AGL: variants seen among roughly 807,000 people sequenced by gnomAD.
AGL encodes amylo-alpha-1,6-glucosidase and 4-alpha-glucanotransferase, also known as glycogen debranching enzyme.
In AGL, 128 loss-of-function variants were observed where a neutral mutation model predicts 199.3. The observed-to-expected ratio is 0.64, with a 90% CI of 0.56 to 0.74. The LOEUF (loss-of-function observed/expected upper bound fraction) is 0.74, where lower values mean the gene tolerates loss of function less well. Ranked by LOEUF, AGL falls within the 30% of genes least tolerant of loss-of-function variation. AGL has a pLI of 0.00. For missense variants in AGL, 1,809 were observed against 1,820.8 expected, an observed-to-expected ratio of 0.99 and a Z score of 0.12; for synonymous variants, 584 against 594.7, an observed-to-expected ratio of 0.98 and a Z score of 0.26.
At chr1:99,866,080 C>T (rs80281749) in intron 5 of AGL, among the ~76,000 whole-genome samples, 1,628 of 152,122 alleles carry the variant, frequency 0.011, 20 homozygotes, top group African/African-American at 0.038. Context: ...CCAGCCTTGG[C>T]AACATAATGA....
intron 11 of AGL, 72 bp from the exon 12 acceptor site, chr1:99,877,569 C>A (rs1037399693): frequency 2.2e-6 from 3 of 1,392,772 alleles, no homozygotes; most frequent in Admixed American, 1.7e-5. Context: ...AATTTAAAAA[C>A]CAGTGTTTCC....
Position 99,882,400 on chromosome 1 carries a change from C to A in AGL, c.2308+709C>A, listed in dbSNP as rs17121509. 1.3e-3 allele frequency among the ~76,000 whole-genome samples: 191 copies of A among 152,124 alleles called. 2 individuals carry two copies. In the East Asian group the frequency reaches 0.034, roughly 27 times the overall value. On this transcript the variant is annotated intron_variant, in intron 17 of 33. Transcript: ENST00000361915. Reference sequence around the variant, plus strand: ...ATGCACAAACATACATACAAACATGCGAACTAAAATGGAAAATAATATAAC... The same window carrying A: ...ATGCACAAACATACATACAAACATGAGAACTAAAATGGAAAATAATATAAC...
upstream of AGL, among the ~76,000 whole-genome samples, chr1:99,849,413 T>C (rs17121311): frequency 0.041 from 6,183 of 152,306 alleles, 165 homozygotes; most frequent in Middle Eastern, 0.11. Flanking sequence ...TGGGTTTTCC[T>C]TTACCCTCAG....
At chr1:99,883,901 C>T (rs554073825) in intron 17 of AGL, among the ~76,000 whole-genome samples, 3 of 152,014 alleles carry the variant, frequency 2.0e-5, no homozygotes, top group South Asian at 2.1e-4. Flanking sequence ...TATTTTGATA[C>T]GTTTCTACTT....
chr1:99,922,276 A>AC lies in AGL; in HGVS notation c.*626dup, dbSNP rs1446718277. 2.6e-5 allele frequency: 4 copies of AC among 151,896 alleles called. No individual in the cohort carries two copies. Among genetic ancestry groups the AC allele is most frequent in the Non-Finnish European group, 4.4e-5 (3 of 67,848 alleles). The allele number at this position is 151,896 out of a possible 1,614,324, so 9.4% of individuals were successfully genotyped here. On this transcript the variant is annotated 3_prime_UTR_variant, in exon 34 of 34. Transcript: ENST00000361915. ...TTATATGATTTACTTATGTGAGGAA[A>AC]CATGCAAAGCATTAGGAAATTTATT...
At chr1:99,881,780 AT>A in intron 17 of AGL, 89 bp downstream of exon 17, 1 of 1,177,736 alleles carries the variant, frequency 8.5e-7, no homozygotes, top group Non-Finnish European at 1.2e-6. Flanking sequence ...TCATGTATAT[AT>A]CATATATATT....
chr1:99,851,547 T>C (rs1418537001), intron 2 of AGL, among the ~76,000 whole-genome samples: 1 of 152,198 alleles, frequency 6.6e-6, no homozygotes, highest in Non-Finnish European at 1.5e-5. Context: ...ATTGACAAAA[T>C]AGATTGCAGC....
intron 2 of AGL, chr1:99,852,460 C>A (rs957412521): frequency 5.7e-5 from 31 of 546,338 alleles, no homozygotes; most frequent in African/African-American, 5.4e-4. Flanking sequence ...GCCTCAACTT[C>A]CTGGGCTCAA....
intron 27 of AGL, among the ~76,000 whole-genome samples, chr1:99,907,006 A>G (rs1262319167): frequency 6.6e-6 from 1 of 152,172 alleles, no homozygotes; most frequent in East Asian, 1.9e-4. Context: ...TTTCTCTGCA[A>G]CTTTGCTAAC....
intron 25 of AGL, among the ~76,000 whole-genome samples, chr1:99,899,952 T>C (rs539720022): frequency 4.1e-4 from 62 of 151,170 alleles, no homozygotes; most frequent in Non-Finnish European, 8.0e-4. Flanking sequence ...TTTTTTTTGA[T>C]AGAGTCTTGC....
chr1:99,900,488 A>T (rs1190239541), intron 25 of AGL, 148 bp from the exon 26 acceptor site: 1 of 735,248 alleles, frequency 1.4e-6, no homozygotes, highest in Admixed American at 2.2e-5. Context: ...ACTCTATCAT[A>T]CTATGACTAC....
chr1:99,877,505 C>T, intron 11 of AGL, 136 bp from the exon 12 acceptor site: 1 of 743,182 alleles, frequency 1.3e-6, no homozygotes. Context: ...TTATCTCATA[C>T]CACTTTAGAT....
rs147214287 is a variant in AGL at position 99,902,777 on chromosome 1, G to A, written c.3683G>A (p.Arg1228Gln). 1.1e-5 allele frequency: 18 copies of A among 1,612,634 alleles called. No individual in the cohort carries two copies. Among genetic ancestry groups the A allele is most frequent in the East Asian group, 4.5e-5 (2 of 44,826 alleles). Residue 1228 changes from arginine (R) to glutamine (Q), a missense_variant, in exon 27 of 34, where the codon CGA becomes CAA. Coordinates refer to ENST00000361915, the MANE Select transcript of AGL (RefSeq NM_000642.3). ...AGGAATGCTGGTCCCCAGATAGATC[G>A]AAACATGAAGGACGAAGGTACAGAA... ...RERNAGPQID[R>Q]NMKDEGFNIT...
intron 26 of AGL, among the ~76,000 whole-genome samples, chr1:99,901,832 A>G (rs1035894152): frequency 1.4e-5 from 2 of 144,776 alleles, no homozygotes; most frequent in African/African-American, 5.0e-5. Flanking sequence ...TTCTCATGAT[A>G]TTTATTTATA....
At chr1:99,907,614 GT>G (rs1390526026) in intron 27 of AGL, among the ~76,000 whole-genome samples, 2 of 139,210 alleles carry the variant, frequency 1.4e-5, no homozygotes, top group Admixed American at 7.1e-5. Flanking sequence ...ACCAATACTT[GT>G]TTTTTTCTGT....
intron 20 of AGL, among the ~76,000 whole-genome samples, chr1:99,886,607 T>C (rs1258221701): frequency 6.6e-6 from 1 of 152,246 alleles, no homozygotes; most frequent in Non-Finnish European, 1.5e-5. Flanking sequence ...TGTTAGCTGT[T>C]ACTAATCAAA....
Position 99,864,402 on chromosome 1 carries a change from T to G in AGL, c.477T>G (p.His159Gln), listed in dbSNP as rs767233801. ...VAKESGYNMI[H>Q]FTPLQTLGLS... ...GCTTTGCAGGCTACAACATGATTCA[T>G]TTTACCCCATTGCAGACTCTTGGAC... The change falls in exon 5 of 34, where the codon CAT becomes CAG. Residue 159 changes from histidine (H) to glutamine (Q), a missense_variant. Coordinates refer to ENST00000361915, the MANE Select transcript of AGL (RefSeq NM_000642.3). 6 of 1,613,732 alleles carry G rather than the reference T, an allele frequency of 3.7e-6. No homozygotes were observed. The South Asian group carries it at 6.6e-5, about 18-fold the overall frequency.
At chr1:99,862,869 AACC>A (rs1310093093) in intron 4 of AGL, among the ~76,000 whole-genome samples, 2 of 152,182 alleles carry the variant, frequency 1.3e-5, no homozygotes, top group African/African-American at 2.4e-5. Context: ...CACAAATCCA[AACC>A]ATATCTTTTT....
intron 27 of AGL, among the ~76,000 whole-genome samples, chr1:99,905,803 A>G (rs1017019029): frequency 6.6e-6 from 1 of 151,986 alleles, no homozygotes; most frequent in African/African-American, 2.4e-5. Flanking sequence ...CTTGTCTTGA[A>G]TTCCTGACCT....
Sources: allele counts gnomAD v4.1 joint callset (sites outside exome capture counted in the v4.1 genomes callset), GRCh38; gene constraint gnomAD v4.1.1; transcripts MANE v1.5; gene names NCBI Gene and HGNC (gene_info 2026-07-23, HGNC 2026-07-21).